PPP2R5E: variants seen among roughly 807,000 people sequenced by gnomAD.
PPP2R5E encodes serine/threonine-protein phosphatase 2A 56 kDa regulatory subunit epsilon isoform.
Under a neutral mutation model 65.3 loss-of-function variants are expected in PPP2R5E, and 4 were observed. That is an observed-to-expected ratio of 0.06 (90% CI 0.03 to 0.14). PPP2R5E has a LOEUF of 0.14. Ranked by LOEUF, PPP2R5E falls within the 10% of genes least tolerant of loss-of-function variation. The pLI is 1.00. For missense variants in PPP2R5E, 274 were observed against 556.1 expected (o/e 0.49, Z 5.10); for synonymous variants, 183 against 187.4 (o/e 0.98, Z 0.19).
At position 63,495,246 on chromosome 14, in the gene PPP2R5E, G is replaced by C. The variant is rs1233386887; in HGVS notation, c.158-41361C>G. 5.4e-5 allele frequency among the ~76,000 whole-genome samples: 8 copies of C among 149,310 alleles called. 1 individual carries two copies. The highest frequency in any genetic ancestry group is 1.3e-4 in the Admixed American group (2 of 14,936). On this transcript the variant is annotated intron_variant, in intron 2 of 13. Transcript: ENST00000337537. ...AAATTCATAAAAATATATATAGTGA[G>C]AGAGAAAGAGTACAGTACTATTTTT...
Position 63,521,224 on chromosome 14 carries a change from A to T in PPP2R5E, c.157+18305T>A, listed in dbSNP as rs534180950. 5.3e-5 allele frequency among the ~76,000 whole-genome samples: 8 copies of T among 152,304 alleles called. No individual in the cohort carries two copies. In the South Asian group the frequency reaches 1.7e-3, roughly 32 times the overall value. ...CCCAGTTACTTGAACTGCCTTTTAA[A>T]ATGTTAAGACATAAATCTAAATATA... is the stretch of plus-strand genomic sequence containing the variant. On this transcript the variant is annotated intron_variant, in intron 2 of 13. Transcript: ENST00000337537.
chr14:63,507,077 C>A (rs1174252742), intron 2 of PPP2R5E, among the ~76,000 whole-genome samples: 1 of 152,180 alleles, frequency 6.6e-6, no homozygotes, highest in East Asian at 1.9e-4. Context: ...CCACGGTGCC[C>A]AGCCTGGGAC....
chr14:63,462,390 A>G (rs1317516750), intron 2 of PPP2R5E, among the ~76,000 whole-genome samples: 1 of 152,140 alleles, frequency 6.6e-6, no homozygotes, highest in East Asian at 1.9e-4. Flanking sequence ...GATCATCATA[A>G]AAGCTGAGAA....
chr14:63,386,370 C>G (rs1884664843), intron 11 of PPP2R5E, among the ~76,000 whole-genome samples: 1 of 152,168 alleles, frequency 6.6e-6, no homozygotes, highest in South Asian at 2.1e-4. Context: ...GATGAAGAAT[C>G]TGAGACTCAG....
intron 2 of PPP2R5E, among the ~76,000 whole-genome samples, chr14:63,504,629 T>C (rs574510086): frequency 1.3e-5 from 2 of 152,198 alleles, no homozygotes; most frequent in Admixed American, 1.3e-4. Context: ...GAGAAACTAT[T>C]TACTCATCGT....
At chr14:63,462,272 G>A (rs938353492) in intron 2 of PPP2R5E, among the ~76,000 whole-genome samples, 6 of 152,036 alleles carry the variant, frequency 3.9e-5, no homozygotes, top group Admixed American at 6.6e-5. Flanking sequence ...GAGTTTCACC[G>A]TGTTAGCCAG....
chr14:63,484,765 A>C (rs1402693338), intron 2 of PPP2R5E, among the ~76,000 whole-genome samples: 1 of 152,226 alleles, frequency 6.6e-6, no homozygotes, highest in African/African-American at 2.4e-5. Flanking sequence ...GAGGTTCAAA[A>C]ACACTATCAG....
chr14:63,397,241 C>T (rs946026984), intron 5 of PPP2R5E, among the ~76,000 whole-genome samples: 1 of 152,186 alleles, frequency 6.6e-6, no homozygotes, highest in African/African-American at 2.4e-5. Flanking sequence ...GTGACTCATG[C>T]CTGTAATCCC....
chr14:63,500,752 A>G (rs538182195), intron 2 of PPP2R5E, among the ~76,000 whole-genome samples: 1 of 152,150 alleles, frequency 6.6e-6, no homozygotes, highest in African/African-American at 2.4e-5. Context: ...TGTGGTCCCA[A>G]CTACTCAGGA....
At chr14:63,406,419 A>G (rs923857619) in intron 5 of PPP2R5E, among the ~76,000 whole-genome samples, 2 of 151,826 alleles carry the variant, frequency 1.3e-5, no homozygotes, top group Non-Finnish European at 2.9e-5. Context: ...TCAAAAAAAA[A>G]AAAAAAAGAA....
At chr14:63,393,573 A>G (rs909317889) in intron 8 of PPP2R5E, among the ~76,000 whole-genome samples, 4 of 152,044 alleles carry the variant, frequency 2.6e-5, no homozygotes, top group Non-Finnish European at 1.5e-5. Flanking sequence ...TTAGCTGGGC[A>G]TGGTGGCGTG....
chr14:63,440,019 G>A (rs1888138334), intron 3 of PPP2R5E, among the ~76,000 whole-genome samples: 1 of 152,168 alleles, frequency 6.6e-6, no homozygotes, highest in Non-Finnish European at 1.5e-5. Flanking sequence ...CACAAACAGG[G>A]CTGCAAGGTG....
chr14:63,377,247 C>T (rs1168281826), intron 13 of PPP2R5E, among the ~76,000 whole-genome samples: 2 of 152,128 alleles, frequency 1.3e-5, no homozygotes, highest in Non-Finnish European at 2.9e-5. Context: ...CCATCTCAGG[C>T]ATGGGGATGT....
intron 2 of PPP2R5E, among the ~76,000 whole-genome samples, chr14:63,482,492 A>G (rs1890762062): frequency 1.3e-5 from 2 of 152,112 alleles, no homozygotes; most frequent in South Asian, 2.1e-4. Context: ...AACTGTTGCC[A>G]TGAGTCACGC....
chr14:63,514,218 A>G (rs546798021), intron 2 of PPP2R5E, among the ~76,000 whole-genome samples: 9 of 152,354 alleles, frequency 5.9e-5, no homozygotes, highest in African/African-American at 2.2e-4. Context: ...ATATCTGAAT[A>G]TCATATTTAT....
At chr14:63,530,630 C>CTTTTTTTT (rs954359159) in intron 2 of PPP2R5E, among the ~76,000 whole-genome samples, 18 of 81,294 alleles carry the variant, frequency 2.2e-4, no homozygotes, top group East Asian at 7.8e-4. Flanking sequence ...CTCTCAATTT[C>CTTTTTTTT]TTTTTTTTTT....
At position 63,542,382 on chromosome 14, in the gene PPP2R5E, G is replaced by A. The variant is rs1354353343; in HGVS notation, c.-8+397C>T. Reference sequence around the variant, plus strand: ...GTAAGGGGAAGTAGGGAAAGACAGGGAAGGGGTTTGTCTGTGGGGATGCTT... The same window carrying A: ...GTAAGGGGAAGTAGGGAAAGACAGGAAAGGGGTTTGTCTGTGGGGATGCTT... On this transcript the variant is annotated intron_variant, in intron 1 of 13. Transcript: ENST00000337537. 3.9e-5 allele frequency among the ~76,000 whole-genome samples: 6 copies of A among 152,136 alleles called. 1 individual carries two copies. The highest frequency in any genetic ancestry group is 1.5e-5 in the Non-Finnish European group (1 of 67,974).
intron 3 of PPP2R5E, among the ~76,000 whole-genome samples, chr14:63,448,222 C>G (rs907123744): frequency 1.3e-5 from 2 of 151,794 alleles, no homozygotes; most frequent in Non-Finnish European, 2.9e-5. Context: ...GTGTGAACCC[C>G]GGAGGCAGAG....
intron 5 of PPP2R5E, among the ~76,000 whole-genome samples, chr14:63,407,970 T>A (rs1213506935): frequency 6.6e-6 from 1 of 152,184 alleles, no homozygotes; most frequent in African/African-American, 2.4e-5. Context: ...TCTTTATAAA[T>A]TACCCAGTCT....
Sources: gnomAD v4.1 joint callset for allele counts (sites outside exome capture counted in the v4.1 genomes callset) on GRCh38, gnomAD v4.1.1 for gene constraint, MANE v1.5 for transcripts, NCBI Gene and HGNC (gene_info 2026-07-23, HGNC 2026-07-21) for gene names.